The following FYB1 variants were observed in gnomAD, a reference collection of about 807,000 sequenced individuals.
FYB1 encodes the protein FYN binding protein 1, also known as FYN-binding protein 1.
FYB1 carries 41 observed loss-of-function variants against 94.1 expected under a neutral mutation model. That is an observed-to-expected ratio of 0.44 (90% CI 0.34 to 0.57). The LOEUF is 0.57. Among genes scored for constraint, FYB1 ranks in the 20% least tolerant of loss-of-function variants. FYB1 has a pLI of 0.02. For synonymous variants in FYB1, 367 were observed against 353.2 expected, an observed-to-expected ratio of 1.04 and a Z score of -0.44; for missense variants, 1,050 against 976.8, an observed-to-expected ratio of 1.07 and a Z score of -1.00.
At chr5:39,235,720 C>T (rs1750931486) in intron 1 of FYB1, among the ~76,000 whole-genome samples, 1 of 151,950 alleles carries the variant, frequency 6.6e-6, no homozygotes, top group Non-Finnish European at 1.5e-5. Context: ...TGAATGAAAC[C>T]TGTCTAACAT....
chr5:39,109,700 C>T (rs1477002311), intron 17 of FYB1, among the ~76,000 whole-genome samples: 1 of 152,078 alleles, frequency 6.6e-6, no homozygotes, highest in East Asian at 1.9e-4. Flanking sequence ...TGGCACGTGA[C>T]CTAACCTGAT....
chr5:39,161,545 A>G (rs1327863341), intron 2 of FYB1, among the ~76,000 whole-genome samples: 1 of 151,112 alleles, frequency 6.6e-6, no homozygotes. Context: ...TCTTAACTTA[A>G]TTTTAAAAAG....
chr5:39,156,838 A>G (rs1743806185), intron 2 of FYB1, among the ~76,000 whole-genome samples: 1 of 152,238 alleles, frequency 6.6e-6, no homozygotes, highest in African/African-American at 2.4e-5. Context: ...ATATAATTAG[A>G]AATATTAACA....
chr5:39,119,741 G>T, intron 14 of FYB1, 107 bp from the exon 15 acceptor site: 2 of 1,255,450 alleles, frequency 1.6e-6, no homozygotes, highest in Non-Finnish European at 2.0e-6. Context: ...TTTTGTTTCA[G>T]TTAATTCTTT....
intron 2 of FYB1, among the ~76,000 whole-genome samples, chr5:39,173,308 T>C (rs1745425208): frequency 6.6e-6 from 1 of 152,238 alleles, no homozygotes; most frequent in Non-Finnish European, 1.5e-5. Context: ...TTTTTGCTTG[T>C]TGATTTAAGC....
intron 1 of FYB1, among the ~76,000 whole-genome samples, chr5:39,260,649 A>T (rs1312312991): frequency 6.6e-6 from 1 of 152,200 alleles, no homozygotes; most frequent in Non-Finnish European, 1.5e-5. Flanking sequence ...TAAGTCTGTA[A>T]AGTGGTGAGG....
intron 1 of FYB1, among the ~76,000 whole-genome samples, chr5:39,234,069 G>A (rs1277255931): frequency 5.3e-5 from 8 of 151,940 alleles, no homozygotes; most frequent in Admixed American, 3.3e-4. Flanking sequence ...GACTGTGAAC[G>A]CCACATGCAT....
chr5:39,231,424 T>A (rs1286716196), intron 1 of FYB1, among the ~76,000 whole-genome samples: 1 of 152,100 alleles, frequency 6.6e-6, no homozygotes, highest in East Asian at 1.9e-4. Flanking sequence ...TATGGCAAAG[T>A]TGAATAAGAA....
intron 2 of FYB1, among the ~76,000 whole-genome samples, chr5:39,200,832 A>G (rs1326586984): frequency 1.3e-5 from 2 of 152,210 alleles, no homozygotes; most frequent in African/African-American, 4.8e-5. Flanking sequence ...AGATGCGACT[A>G]CAAGTAGTGT....
At chr5:39,130,648 T>C in intron 9 of FYB1, 36 bp from the exon 10 acceptor site, 4 of 1,493,744 alleles carry the variant, frequency 2.7e-6, no homozygotes, top group Middle Eastern at 3.4e-4. Context: ...AGTTAATCTA[T>C]GAATTACTTA....
chr5:39,249,756 C>T (rs113668991), intron 1 of FYB1, among the ~76,000 whole-genome samples: 1 of 152,138 alleles, frequency 6.6e-6, no homozygotes, highest in African/African-American at 2.4e-5. Flanking sequence ...GAGGGATGCA[C>T]TCAGCAAGTT....
At chr5:39,154,130 TAC>T (rs759195817) in intron 2 of FYB1, among the ~76,000 whole-genome samples, 2 of 152,156 alleles carry the variant, frequency 1.3e-5, no homozygotes, top group African/African-American at 4.8e-5. Flanking sequence ...TATATGTATA[TAC>T]GCATAACACA....
At chr5:39,184,705 G>A (rs183862361) in intron 2 of FYB1, among the ~76,000 whole-genome samples, 2 of 152,108 alleles carry the variant, frequency 1.3e-5, no homozygotes, top group Admixed American at 1.3e-4. Flanking sequence ...GTTTGTTAGT[G>A]TTACTTAAAA....
intron 18 of FYB1, among the ~76,000 whole-genome samples, 160 bp from the exon 19 acceptor site, chr5:39,107,625 A>G (rs1243648089): frequency 6.6e-6 from 1 of 152,088 alleles, no homozygotes; most frequent in East Asian, 1.9e-4. Flanking sequence ...AAGATCATAT[A>G]TTTAACTTTT....
chr5:39,136,321 G>A (rs1741676196), intron 7 of FYB1, among the ~76,000 whole-genome samples: 3 of 151,070 alleles, frequency 2.0e-5, no homozygotes, highest in Non-Finnish European at 3.0e-5. Flanking sequence ...CACCCACCTC[G>A]GCCTCCCAAA....
At chr5:39,128,206 G>T (rs1209623600) in intron 10 of FYB1, among the ~76,000 whole-genome samples, 2 of 152,112 alleles carry the variant, frequency 1.3e-5, no homozygotes, top group Middle Eastern at 6.3e-3. Context: ...AAAGCAATGG[G>T]ATGAAAGGTG....
chr5:39,268,685 C>T (rs1579817419), intron 1 of FYB1, among the ~76,000 whole-genome samples: 1 of 152,066 alleles, frequency 6.6e-6, no homozygotes, highest in South Asian at 2.1e-4. Flanking sequence ...TGCTCCCTAG[C>T]CTCCCAAGTA....
chr5:39,221,911 G>A (rs758053399), upstream of FYB1, among the ~76,000 whole-genome samples: 1 of 152,096 alleles, frequency 6.6e-6, no homozygotes, highest in South Asian at 2.1e-4. Flanking sequence ...TGAGGCAGGA[G>A]AATTGCTGGA....
At chr5:39,231,606 G>T (rs566701337) in intron 1 of FYB1, among the ~76,000 whole-genome samples, 2 of 152,156 alleles carry the variant, frequency 1.3e-5, no homozygotes, top group Non-Finnish European at 2.9e-5. Flanking sequence ...GCTACTCGAA[G>T]AATGGGTAGG....
Sources: gnomAD v4.1 joint callset for allele counts (sites outside exome capture counted in the v4.1 genomes callset) on GRCh38, gnomAD v4.1.1 for gene constraint, MANE v1.5 for transcripts, NCBI Gene and HGNC (gene_info 2026-07-23, HGNC 2026-07-21) for gene names.